The following MKLN1 variants were observed in gnomAD, a reference collection of about 807,000 sequenced individuals.
The protein encoded by MKLN1 is muskelin.
Under a neutral mutation model 99.0 loss-of-function variants are expected in MKLN1, and 18 were observed. The observed-to-expected ratio is 0.18, with a 90% CI of 0.13 to 0.27. The LOEUF (loss-of-function observed/expected upper bound fraction) is 0.27, where lower values mean the gene tolerates loss of function less well. MKLN1 is among the 10% of genes least tolerant of loss of function. The probability of loss-of-function intolerance (pLI) is 1.00; values close to 1 mark genes in which losing one functional copy is unlikely to be tolerated. For synonymous variants in MKLN1, 288 were observed against 293.2 expected, an observed-to-expected ratio of 0.98 and a Z score of 0.18; for missense variants, 621 against 875.9, an observed-to-expected ratio of 0.71 and a Z score of 3.67.
intron 8 of MKLN1, among the ~76,000 whole-genome samples, chr7:131,418,411 G>A (rs1264575440): frequency 6.6e-6 from 1 of 150,562 alleles, no homozygotes; most frequent in Non-Finnish European, 1.5e-5. Flanking sequence ...AATCAGGGGT[G>A]TTCAATCTTT....
At chr7:131,220,986 A>G (rs1797051709) in intron 3 of MKLN1, among the ~76,000 whole-genome samples, 1 of 152,216 alleles carries the variant, frequency 6.6e-6, no homozygotes, top group South Asian at 2.1e-4. Flanking sequence ...AATTCTTGTC[A>G]ACCCTGTGTG....
At position 131,223,282 on chromosome 7, in the gene MKLN1, G is replaced by C. The variant is rs1797088376; in HGVS notation, c.-179+20308G>C. Among the ~76,000 whole-genome samples, 2 of 152,148 alleles carry C rather than the reference G, an allele frequency of 1.3e-5. 1 individual carries two copies. The highest frequency in any genetic ancestry group is 1.3e-4 in the Admixed American group (2 of 15,280). ...AGCTGTAGGACAGGTTTTCTGGTGA[G>C]AGTAGCAAACTGGTCTGGAGACAAG... On this transcript the variant is annotated intron_variant, in intron 3 of 7. Transcript: ENST00000416992.
chr7:131,463,088 C>T (rs1796563191), intron 12 of MKLN1, 129 bp from the exon 13 acceptor site: 2 of 742,090 alleles, frequency 2.7e-6, no homozygotes, highest in African/African-American at 3.6e-5. Context: ...TGCCTCACTG[C>T]ACTTCAGCTT....
At chr7:131,306,064 A>C (rs771190751) in intron 3 of MKLN1, among the ~76,000 whole-genome samples, 1 of 152,144 alleles carries the variant, frequency 6.6e-6, no homozygotes, top group Non-Finnish European at 1.5e-5. Context: ...CTGATGGTTT[A>C]AAAGTGTGGC....
chr7:131,161,916 G>A (rs1796055432), intron 2 of MKLN1, among the ~76,000 whole-genome samples: 2 of 146,404 alleles, frequency 1.4e-5, no homozygotes. Context: ...TATTTTAATA[G>A]TATGTTATAT....
At chr7:131,207,211 A>G (rs947496920) in intron 3 of MKLN1, among the ~76,000 whole-genome samples, 2 of 151,884 alleles carry the variant, frequency 1.3e-5, no homozygotes, top group African/African-American at 4.8e-5. Flanking sequence ...TTATTTATTT[A>G]TTTATTTTTG....
chr7:131,261,929 TTATAAG>T (rs369527406), intron 3 of MKLN1, among the ~76,000 whole-genome samples: 7 of 152,130 alleles, frequency 4.6e-5, no homozygotes, highest in Admixed American at 6.6e-5. Flanking sequence ...ATGTTCTCAC[TTATAAG>T]TATGAGTACA....
At chr7:131,142,204 G>A (rs563559871) in intron 1 of MKLN1, among the ~76,000 whole-genome samples, 46 of 152,010 alleles carry the variant, frequency 3.0e-4, no homozygotes, top group Non-Finnish European at 5.3e-4. Context: ...TCAGGAGTTT[G>A]AGACCAGCCT....
intron 8 of MKLN1, among the ~76,000 whole-genome samples, chr7:131,415,912 T>G (rs760906692): frequency 3.3e-5 from 5 of 152,210 alleles, no homozygotes; most frequent in Non-Finnish European, 7.3e-5. Context: ...CTTTTCTTTT[T>G]TCTCCATCAG....
chr7:131,111,510 A>C (rs1423223782), intron 1 of MKLN1, among the ~76,000 whole-genome samples: 1 of 152,220 alleles, frequency 6.6e-6, no homozygotes, highest in Non-Finnish European at 1.5e-5. Flanking sequence ...AAACATTATC[A>C]AACTGATCCT....
chr7:131,454,647 A>G (rs978340299), intron 12 of MKLN1, among the ~76,000 whole-genome samples: 2 of 152,228 alleles, frequency 1.3e-5, no homozygotes, highest in African/African-American at 4.8e-5. Flanking sequence ...GTTAATCATG[A>G]TTAGTCTAAA....
At chr7:131,167,749 A>G (rs1796147888) in intron 2 of MKLN1, among the ~76,000 whole-genome samples, 1 of 152,194 alleles carries the variant, frequency 6.6e-6, no homozygotes, top group South Asian at 2.1e-4. Context: ...ATATCAAGAA[A>G]TTGGAAAGAT....
intron 1 of MKLN1, among the ~76,000 whole-genome samples, chr7:131,355,190 G>GTCTA (rs1215205070): frequency 6.6e-6 from 1 of 152,074 alleles, no homozygotes; most frequent in Admixed American, 6.6e-5. Flanking sequence ...ATCTGACAGG[G>GTCTA]TCTAGTCTTC....
chr7:131,221,854 T>C (rs1797065587), intron 3 of MKLN1, among the ~76,000 whole-genome samples: 1 of 150,842 alleles, frequency 6.6e-6, no homozygotes, highest in South Asian at 2.1e-4. Context: ...ACTTAAATAG[T>C]TCTTGCTGTG....
At chr7:131,146,638 C>T (rs1407431445) in intron 2 of MKLN1, among the ~76,000 whole-genome samples, 2 of 152,100 alleles carry the variant, frequency 1.3e-5, no homozygotes, top group African/African-American at 4.8e-5. Flanking sequence ...GCAACAAATA[C>T]AACATTGGCG....
intron 3 of MKLN1, chr7:131,310,780 C>T (rs948795755): frequency 2.0e-5 from 3 of 151,994 alleles, no homozygotes; most frequent in African/African-American, 7.2e-5. Context: ...TATCCTGTTA[C>T]AGAAAAAAGA....
intron 2 of MKLN1, among the ~76,000 whole-genome samples, chr7:131,146,495 T>TATGTA (rs1795816945): frequency 6.6e-6 from 1 of 152,240 alleles, no homozygotes; most frequent in Non-Finnish European, 1.5e-5. Context: ...ATAGATTCCC[T>TATGTA]CTATATGTAA....
intron 2 of MKLN1, among the ~76,000 whole-genome samples, chr7:131,197,016 C>T (rs1796656849): frequency 6.6e-6 from 1 of 152,100 alleles, no homozygotes; most frequent in African/African-American, 2.4e-5. Context: ...AGCTCCGAGT[C>T]TCCTAGGAAT....
At chr7:131,365,441 T>C (rs199994654) in intron 1 of MKLN1, among the ~76,000 whole-genome samples, 7 of 152,238 alleles carry the variant, frequency 4.6e-5, no homozygotes, top group Non-Finnish European at 1.0e-4. Context: ...GCAGAAGCTC[T>C]TAAGTTTAAT....
Sources: allele counts gnomAD v4.1 joint callset (sites outside exome capture counted in the v4.1 genomes callset), GRCh38; gene constraint gnomAD v4.1.1; transcripts MANE v1.5; gene names NCBI Gene and HGNC (gene_info 2026-07-23, HGNC 2026-07-21).